PAQR5: variants seen among roughly 807,000 people sequenced by gnomAD.
PAQR5 encodes the protein membrane progestin receptor gamma.
In PAQR5, 20 loss-of-function variants were observed where a neutral mutation model predicts 34.5. The observed-to-expected ratio is 0.58, with a 90% CI of 0.41 to 0.84. The LOEUF (loss-of-function observed/expected upper bound fraction) is 0.84. Among genes scored for constraint, PAQR5 ranks in the 40% least tolerant of loss-of-function variants. The pLI is 0.00. For missense variants in PAQR5, 378 were observed against 412.7 expected, an observed-to-expected ratio of 0.92 and a Z score of 0.73; for synonymous variants, 131 against 155.6, an observed-to-expected ratio of 0.84 and a Z score of 1.18.
intron 6 of PAQR5, among the ~76,000 whole-genome samples, chr15:69,394,728 C>T (rs1278513033): frequency 2.0e-5 from 3 of 152,174 alleles, no homozygotes; most frequent in African/African-American, 4.8e-5. Context: ...GCTGTGGGGC[C>T]GCACGTGGGG....
chr15:69,326,881 T>G (rs753660028), intron 1 of PAQR5, among the ~76,000 whole-genome samples: 1 of 143,054 alleles, frequency 7.0e-6, no homozygotes, highest in Non-Finnish European at 1.5e-5. Context: ...CATGGATGCA[T>G]TGTTATTAAC....
chr15:69,306,341 C>CT (rs34784689), intron 1 of PAQR5, among the ~76,000 whole-genome samples: 72,833 of 146,320 alleles, frequency 0.5, 19,496 homozygotes, highest in Non-Finnish European at 0.61. Flanking sequence ...AACATTTAAC[C>CT]TTTTTTTTTT....
intron 1 of PAQR5, among the ~76,000 whole-genome samples, chr15:69,332,249 A>C (rs1181652891): frequency 1.3e-5 from 2 of 152,194 alleles, no homozygotes; most frequent in Non-Finnish European, 2.9e-5. Context: ...CACAGGATAG[A>C]ATGTGGGTTT....
At chr15:69,360,368 T>C (rs1165416457) in intron 3 of PAQR5, among the ~76,000 whole-genome samples, 1 of 152,212 alleles carries the variant, frequency 6.6e-6, no homozygotes, top group Non-Finnish European at 1.5e-5. Flanking sequence ...ATCTGTGTGT[T>C]ATCCAGAAGC....
chr15:69,308,443 G>A (rs1451631087), intron 1 of PAQR5, among the ~76,000 whole-genome samples: 1 of 152,178 alleles, frequency 6.6e-6, no homozygotes, highest in Non-Finnish European at 1.5e-5. Flanking sequence ...TGGCCCTGCT[G>A]ACATATTGGG....
rs371873072 is a variant in PAQR5, at chr15:69,337,423, G to C, written c.-194G>C. The C allele has an allele frequency of 6.6e-6, 1 of 152,368 alleles. No homozygotes were observed. 9.4% of individuals were successfully genotyped at this position (152,368 alleles called of 1,614,324 possible). ...CTTTAAAGATGAAAGTTGACTTTTAGAGCCAATTAAAGCCCTTTGGGGAAT... is the reference window on the plus strand; with the variant it reads ...CTTTAAAGATGAAAGTTGACTTTTACAGCCAATTAAAGCCCTTTGGGGAAT... On this transcript the variant is annotated 5_prime_UTR_variant, in exon 2 of 9. The change abolishes the stop of an existing upstream ORF in the 5' untranslated region. Coordinates refer to ENST00000395407, the MANE Select transcript of PAQR5 (RefSeq NM_017705.4).
In PAQR5 at chr15:69,404,349, C is replaced by T. The variant is rs569939983; in HGVS notation, c.*527C>T. The T allele has an allele frequency of 1.3e-5, 2 of 154,094 alleles. No individual in the cohort carries two copies. Among genetic ancestry groups the T allele is most frequent in the Non-Finnish European group, 2.9e-5 (2 of 69,406 alleles). The allele number at this position is 154,094 out of a possible 1,614,324, so 9.5% of individuals were successfully genotyped here. On this transcript the variant is annotated 3_prime_UTR_variant, in exon 9 of 9. Transcript: ENST00000395407. ...AACATTCCAGAATGAAGAGAGCTGTCTGGGGAGAGCCCTTCTTCCCTTCTC... is the reference window on the plus strand; with the variant it reads ...AACATTCCAGAATGAAGAGAGCTGTTTGGGGAGAGCCCTTCTTCCCTTCTC...
intron 1 of PAQR5, among the ~76,000 whole-genome samples, chr15:69,329,462 T>C (rs941384661): frequency 1.4e-5 from 2 of 147,078 alleles, no homozygotes; most frequent in African/African-American, 5.1e-5. Flanking sequence ...ATTTTTTCTT[T>C]CTTTTTTTTT....
Position 69,397,238 on chromosome 15 carries a change from T to C in PAQR5, c.513-230T>C, listed in dbSNP as rs1567042629. On this transcript the variant is annotated intron_variant, in intron 6 of 8. Transcript: ENST00000395407. ...TTAGTCTGGACACCACTGCTTCCCATGGTCAGGAGATGGTGTCCCTGGAGA... is the reference window on the plus strand; with the variant it reads ...TTAGTCTGGACACCACTGCTTCCCACGGTCAGGAGATGGTGTCCCTGGAGA... The C allele has an allele frequency of 1.9e-5, 13 of 668,642 alleles. No individual in the cohort carries two copies. In the East Asian group the frequency reaches 3.8e-4, roughly 20 times the overall value. The allele number at this position is 668,642 out of a possible 1,614,324, so 41.4% of individuals were successfully genotyped here. A position where few individuals can be genotyped will look rare whatever the true frequency, so the allele number is the denominator to read the frequency against.
In PAQR5 at chr15:69,300,633, CT is replaced by C. The variant is rs1210511967; in HGVS notation, c.-277+1580del. Among the ~76,000 whole-genome samples the C allele has an allele frequency of 4.3e-5, 2 of 46,000 alleles. 1 individual carries two copies. Among genetic ancestry groups the C allele is most frequent in the East Asian group, 1.0e-3 (2 of 1,952 alleles). The allele number at this position is 46,000 out of a possible 152,430, so 30.2% of individuals were successfully genotyped here. On this transcript the variant is annotated intron_variant, in intron 1 of 8. Coordinates refer to ENST00000395407, the MANE Select transcript of PAQR5 (RefSeq NM_017705.4). ...TCTTTCTTTCTTTCTTTCTTTCTTT[CT>C]TTCTTTCTTTCTTTCTTTTCTTTCT...
chr15:69,342,205 G>A (rs1390726363), intron 2 of PAQR5, among the ~76,000 whole-genome samples: 3 of 151,950 alleles, frequency 2.0e-5, no homozygotes, highest in Non-Finnish European at 4.4e-5. Context: ...GTTTTGAACT[G>A]TGCTTCCCTA....
At chr15:69,322,760 A>AGACGAG (rs2054142104) in intron 1 of PAQR5, among the ~76,000 whole-genome samples, 1 of 42,160 alleles carries the variant, frequency 2.4e-5, no homozygotes, top group Admixed American at 2.8e-4. Context: ...AAGAAGAAGA[A>AGACGAG]GAAGAAGAAG....
At chr15:69,364,789 A>T (rs1249176338) in intron 3 of PAQR5, among the ~76,000 whole-genome samples, 1 of 151,144 alleles carries the variant, frequency 6.6e-6, no homozygotes, top group Non-Finnish European at 1.5e-5. Flanking sequence ...CCCAGGCTGG[A>T]GTACAGTGGC....
intron 1 of PAQR5, among the ~76,000 whole-genome samples, chr15:69,305,659 C>A (rs1019946500): frequency 2.0e-5 from 3 of 151,998 alleles, no homozygotes; most frequent in Non-Finnish European, 2.9e-5. Flanking sequence ...TCCCCTCTCA[C>A]GCTGCCCTGG....
chr15:69,323,044 TG>T (rs1278214290), intron 1 of PAQR5, among the ~76,000 whole-genome samples: 2 of 138,536 alleles, frequency 1.4e-5, no homozygotes, highest in Admixed American at 1.5e-4. Flanking sequence ...TGCTAAGGAG[TG>T]GGGTTTTCCA....
chr15:69,353,949 G>A (rs1340140206), intron 2 of PAQR5, among the ~76,000 whole-genome samples: 2 of 152,148 alleles, frequency 1.3e-5, no homozygotes, highest in African/African-American at 4.8e-5. Context: ...GTTTGGGCTG[G>A]GATGACTGAT....
At chr15:69,300,609 CTTTCTT>C (rs1186796586) in intron 1 of PAQR5, among the ~76,000 whole-genome samples, 1 of 48,678 alleles carries the variant, frequency 2.1e-5, no homozygotes, top group African/African-American at 6.4e-5. Context: ...TTCTTTCTTT[CTTTCTT>C]TCTTTCTTTC....
chr15:69,321,255 T>G (rs2054089678), intron 1 of PAQR5, among the ~76,000 whole-genome samples: 1 of 152,096 alleles, frequency 6.6e-6, no homozygotes, highest in South Asian at 2.1e-4. Flanking sequence ...TATTTCAGGG[T>G]TTTTTCTGAC....
At chr15:69,376,051 A>G (rs2055697636) in intron 3 of PAQR5, among the ~76,000 whole-genome samples, 1 of 152,182 alleles carries the variant, frequency 6.6e-6, no homozygotes, top group Admixed American at 6.5e-5. Context: ...CAGGAACTGA[A>G]AGGGAAAACT....
Sources: gnomAD v4.1 joint callset for allele counts (sites outside exome capture counted in the v4.1 genomes callset) on GRCh38, gnomAD v4.1.1 for gene constraint, MANE v1.5 for transcripts, NCBI Gene and HGNC (gene_info 2026-07-23, HGNC 2026-07-21) for gene names.